STOX1: variants seen among roughly 807,000 people sequenced by gnomAD.
STOX1 encodes storkhead box 1.
STOX1 carries 57 observed loss-of-function variants against 74.8 expected under a neutral mutation model. That is an observed-to-expected ratio of 0.76 (90% CI 0.62 to 0.95). STOX1 has a LOEUF of 0.95. Ranked by LOEUF, STOX1 falls within the 40% of genes least tolerant of loss-of-function variation. The probability of loss-of-function intolerance (pLI) is 0.00; values close to 1 mark genes in which losing one functional copy is unlikely to be tolerated. For synonymous variants in STOX1, 375 were observed against 401.3 expected, an observed-to-expected ratio of 0.93 and a Z score of 0.78; for missense variants, 1,010 against 1,117.0, an observed-to-expected ratio of 0.90 and a Z score of 1.37.
intron 1 of STOX1, among the ~76,000 whole-genome samples, chr10:68,854,273 G>A (rs1044115248): frequency 6.6e-6 from 1 of 151,870 alleles, no homozygotes; most frequent in African/African-American, 2.4e-5. Context: ...GGGATTACAG[G>A]TGTGAGCCAC....
At chr10:68,856,969 C>T (rs148842344) in intron 1 of STOX1, among the ~76,000 whole-genome samples, 1 of 152,220 alleles carries the variant, frequency 6.6e-6, no homozygotes, top group Non-Finnish European at 1.5e-5. Flanking sequence ...TGCTCCAATC[C>T]TCCTAACCAA....
In STOX1 at chr10:68,885,981, G is replaced by T; in HGVS notation, c.2185G>T (p.Asp729Tyr). 2 of 1,614,230 alleles carry T rather than the reference G, an allele frequency of 1.2e-6. No individual in the cohort carries two copies. The highest frequency in any genetic ancestry group is 1.7e-6 in the Non-Finnish European group (2 of 1,180,054). The change falls in exon 3 of 4, where the codon GAT becomes TAT. Residue 729 changes from aspartate (D) to tyrosine (Y), a missense_variant. Transcript: ENST00000298596. ...ALYQNEVEDD[D>Y]GACSSLYLEE... Reference sequence around the variant, plus strand: ...GTATCAGAATGAAGTGGAAGATGATGATGGTGCCTGTAGTTCATTATATCT... The same window carrying T: ...GTATCAGAATGAAGTGGAAGATGATTATGGTGCCTGTAGTTCATTATATCT...
At chr10:68,856,046 C>G (rs1840118667) in intron 1 of STOX1, among the ~76,000 whole-genome samples, 1 of 152,034 alleles carries the variant, frequency 6.6e-6, no homozygotes, top group South Asian at 2.1e-4. Context: ...AGTCTGAATT[C>G]AGAGTGCTCA....
rs1227570218 is a variant in STOX1, at chr10:68,877,147, A to C, written c.311-4811A>C. Among the ~76,000 whole-genome samples the C allele has an allele frequency of 2.6e-5, 4 of 152,328 alleles. No homozygotes were observed. The East Asian group carries it at 7.7e-4, about 29-fold the overall frequency. On this transcript the variant is annotated intron_variant, in intron 1 of 3. Coordinates refer to ENST00000298596, the MANE Select transcript of STOX1 (RefSeq NM_152709.5). ...CTAGAGGAGCTCCACAGCAGAGGCG[A>C]ATAGCAATTAACGGTGTCCTCTAAA...
chr10:68,871,279 C>G lies in STOX1; in HGVS notation c.311-10679C>G, dbSNP rs200160059. Among the ~76,000 whole-genome samples, 5 of 152,156 alleles carry G rather than the reference C, an allele frequency of 3.3e-5. No individual in the cohort carries two copies. The East Asian group carries it at 9.6e-4, about 29-fold the overall frequency. On this transcript the variant is annotated intron_variant, in intron 1 of 3. Coordinates refer to ENST00000298596, the MANE Select transcript of STOX1 (RefSeq NM_152709.5). ...GAGCTAGAGGCTCAAAGGGCACCCC[C>G]GGGTGGGGCCACCTGTCTTCTTGGT...
chr10:68,858,047 A>G (rs778801756), intron 1 of STOX1, among the ~76,000 whole-genome samples: 12 of 152,142 alleles, frequency 7.9e-5, no homozygotes, highest in Non-Finnish European at 1.6e-4. Context: ...CTGAAACCCA[A>G]GAGAATCTGA....
At chr10:68,838,319 G>A (rs917647489) in intron 1 of STOX1, among the ~76,000 whole-genome samples, 3 of 151,926 alleles carry the variant, frequency 2.0e-5, no homozygotes, top group East Asian at 1.9e-4. Context: ...CTTCCGTCTC[G>A]GCCTCCCAAA....
At chr10:68,867,325 A>G (rs1381940400) in intron 1 of STOX1, among the ~76,000 whole-genome samples, 2 of 152,128 alleles carry the variant, frequency 1.3e-5, no homozygotes, top group Non-Finnish European at 2.9e-5. Context: ...CGAGTAATTT[A>G]GAGGGAAAAG....
intron 1 of STOX1, among the ~76,000 whole-genome samples, chr10:68,863,994 G>A (rs1840334419): frequency 6.7e-6 from 1 of 149,198 alleles, no homozygotes. Flanking sequence ...GCGCGATCTC[G>A]GCTCACTGCA....
At chr10:68,851,529 C>T (rs970535925) in intron 1 of STOX1, among the ~76,000 whole-genome samples, 1 of 152,022 alleles carries the variant, frequency 6.6e-6, no homozygotes, top group African/African-American at 2.4e-5. Context: ...CAGATTACCA[C>T]ATGTACCCCC....
chr10:68,869,884 G>A (rs1589230355), intron 1 of STOX1, among the ~76,000 whole-genome samples: 2 of 151,930 alleles, frequency 1.3e-5, no homozygotes, highest in African/African-American at 4.8e-5. Flanking sequence ...CTCTTTTTGC[G>A]AAATGCTGAT....
chr10:68,835,397 A>C lies in STOX1; in HGVS notation c.310+7464A>C, dbSNP rs138074945. Among the ~76,000 whole-genome samples, 348 of 151,880 alleles carry C rather than the reference A, an allele frequency of 2.3e-3. 1 individual carries two copies. Among genetic ancestry groups the C allele is most frequent in the African/African-American group, 7.9e-3 (327 of 41,416 alleles). On this transcript the variant is annotated intron_variant, in intron 1 of 3. Coordinates refer to ENST00000298596, the MANE Select transcript of STOX1 (RefSeq NM_152709.5). ...TTCACTCTGTCATCCAGGCTAGCTC[A>C]CTGAAGCCTTGAACTCCTGGGCTAA...
chr10:68,881,971 A>T lies in STOX1; in HGVS notation c.324A>T (p.Pro108=). The part of the protein sequence containing the change: ...FRIRAVGDVF[P]VQMNPITQSQ... ...TCTCCAATTTAGGTGATGTCTTTCC[A>T]GTGCAAATGAATCCAATAACTCAAT... is the stretch of plus-strand genomic sequence containing the variant. Residue 108 remains proline, a synonymous_variant, in exon 2 of 4, where the codon CCA becomes CCT. Transcript: ENST00000298596. 1 of 1,613,788 alleles carries T rather than the reference A, an allele frequency of 6.2e-7. No individual in the cohort carries two copies. The highest frequency in any genetic ancestry group is 1.3e-5 in the African/African-American group (1 of 74,990).
intron 1 of STOX1, among the ~76,000 whole-genome samples, chr10:68,846,256 C>T (rs1589219879): frequency 6.6e-6 from 1 of 151,792 alleles, no homozygotes; most frequent in South Asian, 2.1e-4. Flanking sequence ...AAGCTATTCT[C>T]CTGCCTCAGC....
Position 68,886,146 on chromosome 10 carries a change from A to G in STOX1, c.2350A>G (p.Ser784Gly). 1.2e-6 allele frequency: 2 copies of G among 1,614,226 alleles called. No homozygotes were observed. Among genetic ancestry groups the G allele is most frequent in the Non-Finnish European group, 1.7e-6 (2 of 1,180,038 alleles). The stretch of plus-strand genomic sequence containing the variant: ...TGAGAGATCTCTGACCGAGTACAAC[A>G]GCACAATGGAGAGGGTTGAGTCTCA... ...VIERSLTEYNSTMERVESQVL... is the reference protein window; with the variant it reads ...VIERSLTEYNGTMERVESQVL... Residue 784 changes from serine to glycine, a missense_variant, in exon 3 of 4, where the codon AGC becomes GGC. Physicochemically the swap from Ser to Gly is moderately conservative, Grantham distance 56. Transcript: ENST00000298596.
intron 1 of STOX1, among the ~76,000 whole-genome samples, chr10:68,872,873 G>T (rs1840568812): frequency 6.6e-6 from 1 of 151,442 alleles, no homozygotes; most frequent in Non-Finnish European, 1.5e-5. Flanking sequence ...ATTGGTTTTG[G>T]TCTTTTAAAA....
intron 1 of STOX1, among the ~76,000 whole-genome samples, chr10:68,859,168 G>A (rs951940489): frequency 1.3e-5 from 2 of 152,092 alleles, no homozygotes; most frequent in Admixed American, 6.6e-5. Context: ...ATCCTGTATT[G>A]ATGTTAACAG....
chr10:68,871,550 G>A lies in STOX1; in HGVS notation c.311-10408G>A, dbSNP rs1149687. Among the ~76,000 whole-genome samples the A allele has an allele frequency of 3.8e-3, 582 of 152,334 alleles. 2 individuals carry two copies. Among genetic ancestry groups the A allele is most frequent in the African/African-American group, 0.013 (552 of 41,560 alleles). On this transcript the variant is annotated intron_variant, in intron 1 of 3. Coordinates refer to ENST00000298596, the MANE Select transcript of STOX1 (RefSeq NM_152709.5). Reference sequence around the variant, plus strand: ...CCAGAAGGGAGCCATTTGTCTAGGAGTTAAAAATAAACATTACCATGCTTG... The same window carrying A: ...CCAGAAGGGAGCCATTTGTCTAGGAATTAAAAATAAACATTACCATGCTTG...
intron 1 of STOX1, among the ~76,000 whole-genome samples, chr10:68,871,366 T>G (rs1451416822): frequency 1.3e-5 from 2 of 152,178 alleles, no homozygotes; most frequent in East Asian, 1.9e-4. Flanking sequence ...ACCCAACTGA[T>G]AGTCAATATT....
Sources: gnomAD v4.1 joint callset for allele counts (sites outside exome capture counted in the v4.1 genomes callset) on GRCh38, gnomAD v4.1.1 for gene constraint, MANE v1.5 for transcripts, NCBI Gene and HGNC (gene_info 2026-07-23, HGNC 2026-07-21) for gene names.